MMP26: variants seen among roughly 807,000 people sequenced by gnomAD.
MMP26 encodes matrix metallopeptidase 26, also known as matrix metalloproteinase-26.
MMP26 carries 33 observed loss-of-function variants against 31.0 expected under a neutral mutation model. The observed-to-expected ratio is 1.06, with a 90% confidence interval of 0.81 to 1.42. The LOEUF (loss-of-function observed/expected upper bound fraction) is 1.42, where lower values mean the gene tolerates loss of function less well. MMP26 is among the 40% of genes most tolerant of loss of function. The pLI, the probability that MMP26 is intolerant of heterozygous loss-of-function variation, is 0.00. For missense variants in MMP26, 347 were observed against 316.1 expected (o/e 1.10, Z -0.74); for synonymous variants, 122 against 114.9 (o/e 1.06, Z -0.40).
intron 2 of MMP26, among the ~76,000 whole-genome samples, chr11:4,926,930 G>A (rs12807322): frequency 0.13 from 20,003 of 152,044 alleles, 1,430 homozygotes; most frequent in South Asian, 0.17. Context: ...AATGCAATAG[G>A]GATTACACAG....
At chr11:4,798,695 T>C (rs555162723) in intron 2 of MMP26, among the ~76,000 whole-genome samples, 5 of 152,262 alleles carry the variant, frequency 3.3e-5, no homozygotes. Context: ...GAGAACAGAA[T>C]GGAACAAATA....
intron 2 of MMP26, among the ~76,000 whole-genome samples, chr11:4,964,427 T>C (rs1255344162): frequency 6.6e-6 from 1 of 152,164 alleles, no homozygotes; most frequent in African/African-American, 2.4e-5. Flanking sequence ...GTTGTAGGTA[T>C]ATGGTCTTAT....
At chr11:4,950,262 TAGAC>T (rs1163551714) in intron 2 of MMP26, among the ~76,000 whole-genome samples, 2 of 122,814 alleles carry the variant, frequency 1.6e-5, no homozygotes, top group Non-Finnish European at 3.7e-5. Flanking sequence ...ACAAATTTCA[TAGAC>T]AGAATTAATT....
At chr11:4,726,307 T>C (rs1291940088) in intron 1 of MMP26, among the ~76,000 whole-genome samples, 1 of 151,896 alleles carries the variant, frequency 6.6e-6, no homozygotes, top group Non-Finnish European at 1.5e-5. Flanking sequence ...CTACTAAAAA[T>C]ACAAAATTAG....
intron 2 of MMP26, chr11:4,945,655 T>A (rs1846284231): frequency 6.2e-6 from 1 of 162,398 alleles, no homozygotes; most frequent in Admixed American, 5.7e-5. Flanking sequence ...ACTGAAAAAC[T>A]ATCTATTGGG....
chr11:4,918,720 A>C (rs116629637), intron 2 of MMP26, among the ~76,000 whole-genome samples: 2,238 of 152,200 alleles, frequency 0.015, 62 homozygotes, highest in African/African-American at 0.051. Flanking sequence ...TTCTGCCCTC[A>C]AGTTGTTTTG....
chr11:4,914,783 G>C (rs764664863), intron 2 of MMP26: 1 of 1,613,960 alleles, frequency 6.2e-7, no homozygotes, highest in Non-Finnish European at 8.5e-7. Flanking sequence ...GTAGACAATG[G>C]GATTCATCAC....
chr11:4,769,238 A>G (rs1589894899), intron 2 of MMP26: 1 of 1,613,704 alleles, frequency 6.2e-7, no homozygotes, highest in African/African-American at 1.3e-5. Context: ...AATTCTGAGG[A>G]CAGAGTGAAT....
At chr11:4,857,376 A>T (rs1400442834) in intron 2 of MMP26, among the ~76,000 whole-genome samples, 1 of 152,118 alleles carries the variant, frequency 6.6e-6, no homozygotes, top group East Asian at 1.9e-4. Context: ...AGACACAATA[A>T]AAATGATAAA....
chr11:4,808,504 A>T (rs1849307828), intron 2 of MMP26, among the ~76,000 whole-genome samples: 1 of 152,026 alleles, frequency 6.6e-6, no homozygotes, highest in Non-Finnish European at 1.5e-5. Context: ...GACATCTTTA[A>T]TGTATTCTGC....
intron 2 of MMP26, chr11:4,908,326 T>C (rs1341513528): frequency 1.3e-6 from 2 of 1,598,370 alleles, no homozygotes; most frequent in Admixed American, 3.3e-5. Flanking sequence ...AACAATTAGG[T>C]AATAAATTAT....
chr11:4,881,218 T>C (rs1850457094), intron 2 of MMP26, among the ~76,000 whole-genome samples: 2 of 152,082 alleles, frequency 1.3e-5, no homozygotes, highest in Non-Finnish European at 2.9e-5. Flanking sequence ...ACAGGAAAGA[T>C]TTCCCCAGCA....
intron 2 of MMP26, among the ~76,000 whole-genome samples, chr11:4,833,686 A>G (rs1467741033): frequency 7.2e-5 from 11 of 152,192 alleles, no homozygotes; most frequent in Non-Finnish European, 1.5e-5. Context: ...CATGTAGGTT[A>G]GTGTTTAAGG....
At chr11:4,726,589 G>C (rs1350001145) in intron 1 of MMP26, among the ~76,000 whole-genome samples, 1 of 152,216 alleles carries the variant, frequency 6.6e-6, no homozygotes, top group Non-Finnish European at 1.5e-5. Context: ...CTTCTCTCTA[G>C]ATGTCCTGAG....
At chr11:4,867,813 C>T (rs2133522033) in intron 2 of MMP26, among the ~76,000 whole-genome samples, 1 of 152,114 alleles carries the variant, frequency 6.6e-6, no homozygotes, top group Middle Eastern at 3.4e-3. Context: ...ATTAGTTCAA[C>T]CATTGTGGAA....
chr11:4,710,833 A>G (rs1847853599), intron 1 of MMP26: 2 of 175,118 alleles, frequency 1.1e-5, no homozygotes, highest in Non-Finnish European at 2.5e-5. Context: ...GCATGTAGCT[A>G]TCCAAAGTAG....
intron 2 of MMP26, chr11:4,804,665 C>T (rs1429791054): frequency 4.0e-6 from 2 of 501,558 alleles, no homozygotes; most frequent in Admixed American, 2.4e-5. Context: ...TTTTTCTTGA[C>T]CAGGTGTGGT....
intron 2 of MMP26, among the ~76,000 whole-genome samples, chr11:4,799,881 C>T (rs1036964643): frequency 3.9e-5 from 6 of 152,186 alleles, no homozygotes; most frequent in African/African-American, 9.7e-5. Context: ...CCAAAATAAT[C>T]GCCCCTTACT....
intron 2 of MMP26, among the ~76,000 whole-genome samples, chr11:4,783,080 C>A (rs759758040): frequency 1.6e-4 from 24 of 152,198 alleles, no homozygotes; most frequent in Non-Finnish European, 3.2e-4. Flanking sequence ...ACTGGGGCAC[C>A]ACCTAGTGGA....
Sources: allele counts gnomAD v4.1 joint callset (sites outside exome capture counted in the v4.1 genomes callset), GRCh38; gene constraint gnomAD v4.1.1; transcripts MANE v1.5; gene names NCBI Gene and HGNC (gene_info 2026-07-23, HGNC 2026-07-21).